The following DYNC1I1 variants were observed in gnomAD, a reference collection of about 807,000 sequenced individuals.
The protein encoded by DYNC1I1 is cytoplasmic dynein 1 intermediate chain 1.
DYNC1I1 carries 43 observed loss-of-function variants against 86.6 expected under a neutral mutation model. That is an observed-to-expected ratio of 0.50 (90% CI 0.39 to 0.64). DYNC1I1 has a LOEUF of 0.64. Among genes scored for constraint, DYNC1I1 ranks in the 30% least tolerant of loss-of-function variants. The pLI, the probability that DYNC1I1 is intolerant of heterozygous loss-of-function variation, is 0.00. For missense variants in DYNC1I1, 604 were observed against 788.8 expected (o/e 0.77, Z 2.81); for synonymous variants, 262 against 283.7 (o/e 0.92, Z 0.77).
intron 6 of DYNC1I1, among the ~76,000 whole-genome samples, chr7:95,954,225 A>G (rs952407848): frequency 2.0e-5 from 3 of 151,186 alleles, no homozygotes; most frequent in African/African-American, 4.9e-5. Context: ...AAAATTGGTT[A>G]TTTAAAAATC....
chr7:95,853,468 G>A (rs921494804), intron 5 of DYNC1I1, among the ~76,000 whole-genome samples: 1 of 152,138 alleles, frequency 6.6e-6, no homozygotes, highest in Non-Finnish European at 1.5e-5. Flanking sequence ...CCAGAACTGT[G>A]AGCCAATAAA....
intron 1 of DYNC1I1, among the ~76,000 whole-genome samples, chr7:95,774,134 T>G (rs73708572): frequency 0.02 from 3,002 of 152,322 alleles, 96 homozygotes; most frequent in African/African-American, 0.068. Flanking sequence ...TGTTTAGGTC[T>G]GAGGATCCAG....
chr7:95,785,758 T>C (rs1444483253), intron 1 of DYNC1I1, among the ~76,000 whole-genome samples: 1 of 136,046 alleles, frequency 7.4e-6, no homozygotes. Context: ...TGTGTATGTA[T>C]ATATATGTGT....
At chr7:96,028,108 G>A (rs1794724710) in intron 10 of DYNC1I1, 67 bp from the exon 11 acceptor site, 1 of 1,568,970 alleles carries the variant, frequency 6.4e-7, no homozygotes, top group Non-Finnish European at 8.7e-7. Flanking sequence ...ACTGTTTTCA[G>A]GAAGAAACAA....
chr7:95,956,823 A>G (rs1792729231), intron 6 of DYNC1I1, among the ~76,000 whole-genome samples: 1 of 152,128 alleles, frequency 6.6e-6, no homozygotes, highest in Admixed American at 6.5e-5. Context: ...TGCTATTGTG[A>G]GTGGTGCTGC....
intron 6 of DYNC1I1, among the ~76,000 whole-genome samples, chr7:95,915,277 C>T (rs1349916716): frequency 6.6e-6 from 1 of 152,136 alleles, no homozygotes; most frequent in Non-Finnish European, 1.5e-5. Context: ...CCAGTACAAC[C>T]CTGAAAAGTA....
intron 5 of DYNC1I1, among the ~76,000 whole-genome samples, chr7:95,833,782 G>GGT (rs1003848773): frequency 1.5e-5 from 2 of 131,376 alleles, no homozygotes; most frequent in African/African-American, 6.0e-5. Context: ...GTCTGTTGTT[G>GGT]GTGTATAAGA....
intron 1 of DYNC1I1, among the ~76,000 whole-genome samples, chr7:95,787,949 A>G (rs1794192543): frequency 6.6e-6 from 1 of 152,178 alleles, no homozygotes; most frequent in South Asian, 2.1e-4. Flanking sequence ...CAGAGGGAAT[A>G]GGAGGTGCAA....
chr7:95,887,096 C>T (rs1790613382), intron 6 of DYNC1I1, among the ~76,000 whole-genome samples: 1 of 152,216 alleles, frequency 6.6e-6, no homozygotes. Context: ...CTGCTCTCTA[C>T]AGTTCCGTCT....
At chr7:95,917,262 G>A (rs951430031) in intron 6 of DYNC1I1, among the ~76,000 whole-genome samples, 14 of 152,258 alleles carry the variant, frequency 9.2e-5, no homozygotes, top group African/African-American at 3.1e-4. Context: ...AGAAGCGGGT[G>A]GGAGGGGCAT....
intron 7 of DYNC1I1, among the ~76,000 whole-genome samples, chr7:95,981,514 A>G (rs1793458588): frequency 6.6e-6 from 1 of 152,100 alleles, no homozygotes; most frequent in Non-Finnish European, 1.5e-5. Context: ...AATTTCTTTC[A>G]TACATGTTAT....
At chr7:95,937,398 A>G (rs1166524515) in intron 6 of DYNC1I1, among the ~76,000 whole-genome samples, 1 of 152,030 alleles carries the variant, frequency 6.6e-6, no homozygotes, top group Non-Finnish European at 1.5e-5. Flanking sequence ...TCATTCTGCA[A>G]TGTAGATGCA....
At chr7:95,983,960 G>A (rs1337580403) in intron 7 of DYNC1I1, among the ~76,000 whole-genome samples, 1 of 152,094 alleles carries the variant, frequency 6.6e-6, no homozygotes, top group Non-Finnish European at 1.5e-5. Context: ...TGCCCTTGAT[G>A]GTTTTTTGGT....
At chr7:96,049,982 G>A (rs973439494) in intron 14 of DYNC1I1, among the ~76,000 whole-genome samples, 8 of 150,532 alleles carry the variant, frequency 5.3e-5, no homozygotes, top group Admixed American at 2.6e-4. Flanking sequence ...GCAGTGAGCC[G>A]CTGCACTCCA....
intron 16 of DYNC1I1, among the ~76,000 whole-genome samples, chr7:96,082,670 T>C (rs1790560614): frequency 6.6e-6 from 1 of 152,218 alleles, no homozygotes; most frequent in African/African-American, 2.4e-5. Flanking sequence ...ACACTGTCTC[T>C]ATGCAATAAG....
At chr7:95,926,397 A>G (rs1266706626) in intron 6 of DYNC1I1, among the ~76,000 whole-genome samples, 1 of 152,216 alleles carries the variant, frequency 6.6e-6, no homozygotes, top group Non-Finnish European at 1.5e-5. Context: ...GTTACAAAAT[A>G]AATACATTAC....
intron 4 of DYNC1I1, among the ~76,000 whole-genome samples, chr7:95,815,708 G>T (rs956751978): frequency 1.3e-5 from 2 of 151,958 alleles, no homozygotes; most frequent in Non-Finnish European, 2.9e-5. Flanking sequence ...TTATTCTTAA[G>T]AATATAACTC....
chr7:95,937,804 G>A (rs1346563298), intron 6 of DYNC1I1, among the ~76,000 whole-genome samples: 1 of 151,824 alleles, frequency 6.6e-6, no homozygotes, highest in Non-Finnish European at 1.5e-5. Context: ...TAATGTAGAA[G>A]AAATAAATAT....
chr7:96,101,921 AGAG>A (rs1791142669), downstream of DYNC1I1, among the ~76,000 whole-genome samples: 2 of 152,010 alleles, frequency 1.3e-5, no homozygotes, highest in Admixed American at 1.3e-4. Context: ...TAAAAGATAT[AGAG>A]TGGTGTTCCC....
Sources: allele counts gnomAD v4.1 joint callset (sites outside exome capture counted in the v4.1 genomes callset), GRCh38; gene constraint gnomAD v4.1.1; transcripts MANE v1.5; gene names NCBI Gene and HGNC (gene_info 2026-07-23, HGNC 2026-07-21).